Variants in PASD1 observed in about 807,000 individuals in gnomAD.
PASD1 encodes the protein circadian clock protein PASD1.
A neutral mutation model predicts 58.8 loss-of-function variants in PASD1; 13 were observed. The ratio of observed to expected loss-of-function variants is 0.22; its 90% CI spans 0.14 to 0.35. The LOEUF (loss-of-function observed/expected upper bound fraction) is 0.35. PASD1 is among the 10% of genes least tolerant of loss of function. The pLI, the probability that PASD1 is intolerant of heterozygous loss-of-function variation, is 1.00. For missense variants in PASD1, 734 were observed against 568.3 expected (o/e 1.29, Z -2.96); for synonymous variants, 236 against 216.7 (o/e 1.09, Z -0.78).
At chrX:151,614,047 C>T (rs191756705) in intron 4 of PASD1, among the ~76,000 whole-genome samples, 2 of 108,946 alleles carry the variant, frequency 1.8e-5, no homozygotes, top group Non-Finnish European at 3.8e-5. Flanking sequence ...TGCAATGGTG[C>T]GATCTCGGCT....
chrX:151,641,815 TAC>T (rs748009729), intron 8 of PASD1, among the ~76,000 whole-genome samples: 1,952 of 104,594 alleles, frequency 0.019, 16 homozygotes, highest in African/African-American at 0.029. Context: ...CACGCGTACT[TAC>T]ACACACACAC....
At chrX:151,582,341 G>A (rs1464474175) in intron 1 of PASD1, among the ~76,000 whole-genome samples, 1 of 110,512 alleles carries the variant, frequency 9.0e-6, no homozygotes, top group Admixed American at 9.6e-5. Flanking sequence ...ACAGTGAGTG[G>A]CACAATCATG....
At chrX:151,636,225 T>C (rs891076669) in intron 8 of PASD1, among the ~76,000 whole-genome samples, 10 of 111,513 alleles carry the variant, frequency 9.0e-5, no homozygotes, top group African/African-American at 3.3e-4. Context: ...GTTGTACGTA[T>C]CAGTAGTTCA....
At chrX:151,668,182 C>G (rs774941377) in intron 11 of PASD1, among the ~76,000 whole-genome samples, 2 of 111,546 alleles carry the variant, frequency 1.8e-5, no homozygotes, top group Non-Finnish European at 3.8e-5. Flanking sequence ...TACGTCCCAT[C>G]GATACCTAAT....
intron 1 of PASD1, among the ~76,000 whole-genome samples, chrX:151,585,999 A>T (rs2013158500): frequency 9.0e-6 from 1 of 111,536 alleles, no homozygotes; most frequent in Non-Finnish European, 1.9e-5. Context: ...GGGATTCTGG[A>T]GGAAAGGGTT....
intron 1 of PASD1, among the ~76,000 whole-genome samples, chrX:151,583,010 G>A (rs2013119609): frequency 8.9e-6 from 1 of 111,986 alleles, no homozygotes; most frequent in Admixed American, 9.4e-5. Context: ...AATGTGGGAT[G>A]TTCGTGCTTA....
chrX:151,626,804 T>G lies in PASD1; in HGVS notation c.629+1274T>G, dbSNP rs1272370963. 4.5e-5 allele frequency among the ~76,000 whole-genome samples: 5 copies of G among 111,832 alleles called. No individual in the cohort carries two copies. In the Admixed American group the frequency reaches 4.8e-4, roughly 11 times the overall value. The stretch of plus-strand genomic sequence containing the variant: ...TGGAAGCTGTGGTCACGGTTACTAT[T>G]CGGGGGCAGGAGGAGGTAAGGAAGC... On this transcript the variant is annotated intron_variant, in intron 8 of 15. Transcript: ENST00000370357.
intron 8 of PASD1, among the ~76,000 whole-genome samples, chrX:151,628,069 A>C (rs1416748925): frequency 1.8e-5 from 2 of 110,548 alleles, no homozygotes; most frequent in African/African-American, 3.3e-5. Flanking sequence ...TTTTTCTTGT[A>C]AATTTGTTTG....
intron 1 of PASD1, among the ~76,000 whole-genome samples, chrX:151,572,463 C>T (rs971847640): frequency 1.8e-5 from 2 of 112,034 alleles, no homozygotes; most frequent in African/African-American, 3.2e-5. Flanking sequence ...TAAATTCCTA[C>T]GGCATCAAGT....
chrX:151,621,408 C>A, intron 5 of PASD1, 74 bp from the exon 6 acceptor site: 1 of 758,670 alleles, frequency 1.3e-6, no homozygotes, highest in South Asian at 2.8e-5. Flanking sequence ...AGACATTGGT[C>A]ATATGAAATA....
chrX:151,578,943 A>G (rs926156850), intron 1 of PASD1, among the ~76,000 whole-genome samples: 4 of 112,017 alleles, frequency 3.6e-5, no homozygotes, highest in Non-Finnish European at 5.6e-5. Flanking sequence ...TTTCAGGATC[A>G]TCTGTTGGGC....
chrX:151,653,704 T>C (rs111751289), intron 9 of PASD1, among the ~76,000 whole-genome samples: 8 of 95,268 alleles, frequency 8.4e-5, no homozygotes, highest in African/African-American at 1.1e-4. Flanking sequence ...TCCTCCTCCT[T>C]CTTCTTCTTC....
At chrX:151,626,045 G>A (rs1914714251) in intron 8 of PASD1, among the ~76,000 whole-genome samples, 1 of 111,943 alleles carries the variant, frequency 8.9e-6, no homozygotes, top group South Asian at 3.7e-4. Flanking sequence ...AAATACAGGT[G>A]ATTGGCTTTT....
intron 1 of PASD1, among the ~76,000 whole-genome samples, chrX:151,589,213 T>C (rs1364857758): frequency 9.0e-6 from 1 of 111,493 alleles, no homozygotes; most frequent in Non-Finnish European, 1.9e-5. Flanking sequence ...TTCTGCCACA[T>C]GTTGCACATT....
At chrX:151,594,058 C>T (rs766544402) in intron 1 of PASD1, among the ~76,000 whole-genome samples, 4 of 111,238 alleles carry the variant, frequency 3.6e-5, no homozygotes, top group South Asian at 3.9e-4. Flanking sequence ...ACTGCAATCT[C>T]GGCCTCCTGG....
intron 9 of PASD1, among the ~76,000 whole-genome samples, chrX:151,652,512 G>A (rs1322062459): frequency 5.4e-5 from 5 of 92,193 alleles, no homozygotes; most frequent in Non-Finnish European, 2.1e-5. Context: ...CAGCCTGGGC[G>A]ACAGAATGAG....
At chrX:151,657,838 GGT>G (rs148689240) in intron 9 of PASD1, among the ~76,000 whole-genome samples, 404 of 10,018 alleles carry the variant, frequency 0.04, no homozygotes, top group South Asian at 0.22. Context: ...TTTTTTGGAG[GGT>G]TTTTTTTTTT....
At chrX:151,611,860 C>T in intron 4 of PASD1, 107 bp downstream of exon 4, 1 of 531,587 alleles carries the variant, frequency 1.9e-6, no homozygotes, top group Non-Finnish European at 3.0e-6. Context: ...AGTACATGTG[C>T]ACAACGTGCA....
chrX:151,596,680 T>C (rs2013325874), intron 1 of PASD1, among the ~76,000 whole-genome samples: 1 of 112,610 alleles, frequency 8.9e-6, no homozygotes, highest in Non-Finnish European at 1.9e-5. Flanking sequence ...TGCTGGACTA[T>C]TTTATTTCTA....
Sources: allele counts gnomAD v4.1 joint callset (sites outside exome capture counted in the v4.1 genomes callset), GRCh38; gene constraint gnomAD v4.1.1; transcripts MANE v1.5; gene names NCBI Gene and HGNC (gene_info 2026-07-23, HGNC 2026-07-21).